MTMR7: variants seen among roughly 807,000 people sequenced by gnomAD.
MTMR7 encodes the protein myotubularin related protein 7.
In MTMR7, 76 loss-of-function variants were observed where a neutral mutation model predicts 81.2. The observed-to-expected ratio is 0.94, with a 90% CI of 0.78 to 1.13. The LOEUF is 1.13. MTMR7 is among the 50% of genes most tolerant of loss of function. The pLI is 0.00. For synonymous variants in MTMR7, 372 were observed against 289.8 expected, an observed-to-expected ratio of 1.28 and a Z score of -2.88; for missense variants, 1,044 against 820.0, an observed-to-expected ratio of 1.27 and a Z score of -3.34.
chr8:17,401,557 G>C (rs1183709667), intron 1 of MTMR7, among the ~76,000 whole-genome samples: 1 of 152,080 alleles, frequency 6.6e-6, no homozygotes, highest in Non-Finnish European at 1.5e-5. Context: ...AAACTGGTGG[G>C]GGAGCGGCAA....
chr8:17,409,448 A>T (rs753354217), intron 1 of MTMR7, among the ~76,000 whole-genome samples: 22 of 152,202 alleles, frequency 1.4e-4, no homozygotes, highest in Non-Finnish European at 3.1e-4. Flanking sequence ...TGGGCCACAG[A>T]GCAAGACTCG....
chr8:17,330,924 A>G (rs1425214118), intron 7 of MTMR7, among the ~76,000 whole-genome samples: 3 of 152,214 alleles, frequency 2.0e-5, no homozygotes, highest in African/African-American at 7.2e-5. Flanking sequence ...GTTCAGTACC[A>G]TTGTAGAGTC....
chr8:17,344,571 A>G (rs948684672), intron 5 of MTMR7, among the ~76,000 whole-genome samples: 1 of 152,168 alleles, frequency 6.6e-6, no homozygotes, highest in East Asian at 1.9e-4. Context: ...AGATCATGCC[A>G]CTGCACTCCA....
At chr8:17,386,361 G>C (rs971825887) in intron 1 of MTMR7, among the ~76,000 whole-genome samples, 1 of 152,196 alleles carries the variant, frequency 6.6e-6, no homozygotes, top group African/African-American at 2.4e-5. Context: ...CTGGGCAGCA[G>C]AGTGAGACCT....
At chr8:17,337,531 A>G (rs1363022305) in intron 6 of MTMR7, among the ~76,000 whole-genome samples, 1 of 152,208 alleles carries the variant, frequency 6.6e-6, no homozygotes, top group South Asian at 2.1e-4. Context: ...ACACCCTAGC[A>G]CTAATACGTG....
chr8:17,390,698 T>C (rs1195391277), intron 1 of MTMR7, among the ~76,000 whole-genome samples: 1 of 152,130 alleles, frequency 6.6e-6, no homozygotes, highest in Non-Finnish European at 1.5e-5. Context: ...CTCAGGAAAC[T>C]TACAATCATG....
At chr8:17,412,122 T>A (rs1364370833) in intron 1 of MTMR7, among the ~76,000 whole-genome samples, 1 of 152,214 alleles carries the variant, frequency 6.6e-6, no homozygotes, top group Non-Finnish European at 1.5e-5. Context: ...CAATTTAAAT[T>A]TACTGTCGGA....
chr8:17,404,211 G>A (rs1210184330), intron 1 of MTMR7, among the ~76,000 whole-genome samples: 2 of 152,096 alleles, frequency 1.3e-5, no homozygotes, highest in Non-Finnish European at 2.9e-5. Context: ...AACGGAGGTG[G>A]GATAACCTGG....
chr8:17,368,077 G>A (rs1820288314), intron 3 of MTMR7, among the ~76,000 whole-genome samples: 1 of 152,022 alleles, frequency 6.6e-6, no homozygotes, highest in Non-Finnish European at 1.5e-5. Context: ...ATTTTTCTGT[G>A]GATGGGGGTG....
At chr8:17,348,683 G>C (rs1819636812) in intron 5 of MTMR7, among the ~76,000 whole-genome samples, 1 of 152,088 alleles carries the variant, frequency 6.6e-6, no homozygotes, top group South Asian at 2.1e-4. Flanking sequence ...ACTTAGGACA[G>C]TATTCACTTG....
intron 1 of MTMR7, among the ~76,000 whole-genome samples, chr8:17,400,632 C>G (rs1222036903): frequency 1.3e-5 from 2 of 152,106 alleles, no homozygotes; most frequent in African/African-American, 4.8e-5. Flanking sequence ...AACCTCAGTA[C>G]TGTTTTGATT....
chr8:17,333,017 A>G (rs1819093612), intron 6 of MTMR7, among the ~76,000 whole-genome samples: 1 of 152,178 alleles, frequency 6.6e-6, no homozygotes, highest in African/African-American at 2.4e-5. Flanking sequence ...AATAATAGAA[A>G]TAAAGTATAT....
At chr8:17,400,270 C>T (rs1481499015) in intron 1 of MTMR7, among the ~76,000 whole-genome samples, 7 of 152,262 alleles carry the variant, frequency 4.6e-5, no homozygotes, top group South Asian at 2.1e-4. Context: ...TTTATTAAGA[C>T]GCTTAGACCT....
chr8:17,400,848 G>C (rs566720217), intron 1 of MTMR7, among the ~76,000 whole-genome samples: 1 of 152,180 alleles, frequency 6.6e-6, no homozygotes. Context: ...AGTAAGAATA[G>C]ATTGTCTAAG....
chr8:17,306,034 A>G, intron 10 of MTMR7, 77 bp from the exon 11 acceptor site: 1 of 1,191,524 alleles, frequency 8.4e-7, no homozygotes, highest in Non-Finnish European at 1.2e-6. Context: ...AAAAACAACC[A>G]TAAAAGCAAC....
intron 1 of MTMR7, among the ~76,000 whole-genome samples, chr8:17,400,220 A>G (rs1191230408): frequency 2.0e-5 from 3 of 152,224 alleles, no homozygotes; most frequent in Non-Finnish European, 4.4e-5. Flanking sequence ...TTCTGAAATA[A>G]CACTATAGCT....
At chr8:17,307,407 A>G (rs539009990) in intron 10 of MTMR7, among the ~76,000 whole-genome samples, 2,228 of 152,042 alleles carry the variant, frequency 0.015, 62 homozygotes, top group African/African-American at 0.052. Context: ...AGAGGATGTG[A>G]AGAAATAGGA....
At chr8:17,300,665 T>A (rs1044062405) in intron 13 of MTMR7, among the ~76,000 whole-genome samples, 23 of 152,226 alleles carry the variant, frequency 1.5e-4, no homozygotes, top group African/African-American at 5.5e-4. Context: ...TTCAGTGGTT[T>A]TTAGTTATAT....
At position 17,392,579 on chromosome 8, in the gene MTMR7, A is replaced by G. The variant is rs943474628; in HGVS notation, c.25-19339T>C. 5.8e-4 allele frequency among the ~76,000 whole-genome samples: 88 copies of G among 152,356 alleles called. 1 individual carries two copies. The highest frequency in any genetic ancestry group is 2.1e-3 in the African/African-American group (86 of 41,596). On this transcript the variant is annotated intron_variant, in intron 1 of 13. Coordinates refer to ENST00000180173, the MANE Select transcript of MTMR7 (RefSeq NM_004686.5). The stretch of plus-strand genomic sequence containing the variant: ...TCTTTCAGGAATCTAGGGCGATGTC[A>G]CTGAGGCTTTGCCTCATAGGCCACT...
Sources: gnomAD v4.1 joint callset for allele counts (sites outside exome capture counted in the v4.1 genomes callset) on GRCh38, gnomAD v4.1.1 for gene constraint, MANE v1.5 for transcripts, NCBI Gene and HGNC (gene_info 2026-07-23, HGNC 2026-07-21) for gene names.